The following ALPK1 variants were observed in gnomAD, a reference collection of about 807,000 sequenced individuals.
ALPK1 encodes alpha kinase 1, also known as alpha-protein kinase 1.
A neutral mutation model predicts 120.6 loss-of-function variants in ALPK1; 110 were observed. The ratio of observed to expected loss-of-function variants is 0.91; its 90% CI spans 0.78 to 1.07. The LOEUF is 1.07. Ranked by LOEUF, ALPK1 falls within the 50% of genes least tolerant of loss-of-function variation. ALPK1 has a pLI of 0.00. For missense variants in ALPK1, 1,498 were observed against 1,483.9 expected (o/e 1.01, Z -0.16); for synonymous variants, 582 against 560.3 (o/e 1.04, Z -0.55).
intron 2 of ALPK1, among the ~76,000 whole-genome samples, chr4:112,324,514 A>T (rs978919425): frequency 6.6e-6 from 1 of 151,862 alleles, no homozygotes; most frequent in Non-Finnish European, 1.5e-5. Flanking sequence ...GTCTAACTCT[A>T]TTGTCCTGGA....
intron 13 of ALPK1, among the ~76,000 whole-genome samples, chr4:112,438,992 A>C (rs547449649): frequency 1.8e-4 from 27 of 152,302 alleles, no homozygotes; most frequent in African/African-American, 6.0e-4. Flanking sequence ...GCCCAAATCT[A>C]TCTTTATCTA....
At chr4:112,428,239 C>G (rs1734325539) in intron 9 of ALPK1, 1 of 152,600 alleles carries the variant, frequency 6.6e-6, no homozygotes, top group South Asian at 2.1e-4. Flanking sequence ...CTGCAGTTTA[C>G]ACAACCAGTA....
At chr4:112,392,524 G>A (rs1732464685) in intron 4 of ALPK1, among the ~76,000 whole-genome samples, 1 of 152,046 alleles carries the variant, frequency 6.6e-6, no homozygotes, top group Non-Finnish European at 1.5e-5. Context: ...GCAATTAAAA[G>A]TAATTTCATT....
At chr4:112,426,659 T>C (rs1018904304) in intron 8 of ALPK1, 116 bp downstream of exon 8, 6 of 946,088 alleles carry the variant, frequency 6.3e-6, no homozygotes, top group African/African-American at 5.1e-5. Context: ...TTTTTATTTA[T>C]TTTTCACAAG....
At chr4:112,311,967 CA>C (rs1203103809) in intron 1 of ALPK1, among the ~76,000 whole-genome samples, 2 of 150,514 alleles carry the variant, frequency 1.3e-5, no homozygotes, top group African/African-American at 4.9e-5. Context: ...AAAATACACA[CA>C]GGGGGTCACA....
Position 112,377,715 on chromosome 4 carries a change from A to G in ALPK1, c.-63A>G, listed in dbSNP as rs1053803307. 9 of 1,432,834 alleles carry G rather than the reference A, an allele frequency of 6.3e-6. No homozygotes were observed. The East Asian group carries it at 1.8e-4, about 29-fold the overall frequency. 88.8% of individuals were successfully genotyped at this position (1,432,834 alleles called of 1,614,324 possible). ...TCAAGGGGCTCCTTTATTGAGAATCAATGTCTTCTCCTAGGTAATTGATCA... is the reference window on the plus strand; with the variant it reads ...TCAAGGGGCTCCTTTATTGAGAATCGATGTCTTCTCCTAGGTAATTGATCA... On this transcript the variant is annotated 5_prime_UTR_variant, in exon 3 of 16. Coordinates refer to ENST00000650871, the MANE Select transcript of ALPK1 (RefSeq NM_025144.4).
At chr4:112,312,365 C>G (rs776958657) in intron 1 of ALPK1, among the ~76,000 whole-genome samples, 1 of 152,130 alleles carries the variant, frequency 6.6e-6, no homozygotes, top group Non-Finnish European at 1.5e-5. Context: ...GCTCCGCCTC[C>G]CGGGTCACGT....
chr4:112,337,794 G>A (rs921625057), intron 2 of ALPK1, among the ~76,000 whole-genome samples: 9 of 152,142 alleles, frequency 5.9e-5, no homozygotes, highest in African/African-American at 2.2e-4. Context: ...GAGCTTTTAT[G>A]AGTTGTGGTC....
At chr4:112,425,159 C>T (rs1734180863) in intron 6 of ALPK1, 1 of 152,552 alleles carries the variant, frequency 6.6e-6, no homozygotes, top group South Asian at 2.1e-4. Flanking sequence ...TTCTCATACC[C>T]TCTTGGTACA....
At chr4:112,315,303 AC>A (rs1190848199) in intron 1 of ALPK1, among the ~76,000 whole-genome samples, 2 of 152,308 alleles carry the variant, frequency 1.3e-5, no homozygotes, top group African/African-American at 4.8e-5. Context: ...TAGTAAATAG[AC>A]TTTTTTAAAG....
intron 7 of ALPK1, 101 bp from the exon 8 acceptor site, chr4:112,426,366 T>G: frequency 2.4e-6 from 2 of 848,838 alleles, no homozygotes; most frequent in Non-Finnish European, 3.8e-6. Context: ...ATCTAATGAG[T>G]CTTGGTTCTG....
At position 112,442,452 on chromosome 4, in the gene ALPK1, C is replaced by G. The variant is rs1429869506; in HGVS notation, c.*1242C>G. 1 of 151,978 alleles carries G rather than the reference C, an allele frequency of 6.6e-6. No individual in the cohort carries two copies. The highest frequency in any genetic ancestry group is 2.4e-5 in the African/African-American group (1 of 41,348). 9.4% of individuals were successfully genotyped at this position (151,978 alleles called of 1,614,324 possible). A position where few individuals can be genotyped will look rare whatever the true frequency, so the allele number is the denominator to read the frequency against. On this transcript the variant is annotated 3_prime_UTR_variant, in exon 16 of 16. Coordinates refer to ENST00000650871, the MANE Select transcript of ALPK1 (RefSeq NM_025144.4). ...GACACATAGAGGGAACAACACACAC[C>G]AGGGCTTATCAGAGGGTGGACAGTG...
chr4:112,388,612 T>C (rs1221716622), intron 4 of ALPK1, among the ~76,000 whole-genome samples: 1 of 145,174 alleles, frequency 6.9e-6, no homozygotes, highest in Non-Finnish European at 1.5e-5. Flanking sequence ...GAAATCTTTT[T>C]CATCAAGTTG....
intron 4 of ALPK1, among the ~76,000 whole-genome samples, chr4:112,405,173 C>G (rs894131604): frequency 4.6e-5 from 7 of 152,158 alleles, no homozygotes; most frequent in Non-Finnish European, 8.8e-5. Flanking sequence ...GAACTCACTA[C>G]CTGGGCCTCT....
At chr4:112,308,319 C>T (rs1728215114) in intron 1 of ALPK1, among the ~76,000 whole-genome samples, 1 of 152,064 alleles carries the variant, frequency 6.6e-6, no homozygotes, top group Non-Finnish European at 1.5e-5. Context: ...GGGAAGTTGT[C>T]CTGGATAATA....
At chr4:112,387,980 C>T (rs1327448833) in intron 4 of ALPK1, among the ~76,000 whole-genome samples, 6 of 152,164 alleles carry the variant, frequency 3.9e-5, no homozygotes, top group Non-Finnish European at 7.4e-5. Flanking sequence ...TTCTAAGTGT[C>T]CATGAGTTCT....
At chr4:112,406,684 A>G (rs1398003001) in intron 4 of ALPK1, among the ~76,000 whole-genome samples, 1 of 152,152 alleles carries the variant, frequency 6.6e-6, no homozygotes, top group African/African-American at 2.4e-5. Context: ...CAAGCCATAA[A>G]ACCTAGAAAT....
At chr4:112,411,218 A>G (rs1578548889) in intron 4 of ALPK1, among the ~76,000 whole-genome samples, 1 of 152,088 alleles carries the variant, frequency 6.6e-6, no homozygotes, top group Non-Finnish European at 1.5e-5. Flanking sequence ...TTTTTACCCT[A>G]TATAGTTTTG....
In ALPK1 at chr4:112,431,603, C is replaced by G; in HGVS notation, c.2056C>G (p.Pro686Ala). 2 of 1,614,140 alleles carry G rather than the reference C, an allele frequency of 1.2e-6. No homozygotes were observed. Among genetic ancestry groups the G allele is most frequent in the Non-Finnish European group, 1.7e-6 (2 of 1,180,024 alleles). Residue 686 changes from proline to alanine, a missense_variant, in exon 11 of 16, where the codon CCT becomes GCT. Physicochemically the swap from Pro to Ala is conservative, Grantham distance 27 (BLOSUM62 -1). Transcript: ENST00000650871. ...PHNTPGIFLA[P>A]GAGLLEGAPE... ...TAATACCCCAGGCATTTTCTTGGCC[C>G]CTGGTGCAGGGCTTCTAGAAGGAGC...
Sources: allele counts gnomAD v4.1 joint callset (sites outside exome capture counted in the v4.1 genomes callset), GRCh38; gene constraint gnomAD v4.1.1; transcripts MANE v1.5; gene names NCBI Gene and HGNC (gene_info 2026-07-23, HGNC 2026-07-21).